SHC4: variants seen among roughly 807,000 people sequenced by gnomAD.
SHC4 encodes SHC adaptor protein 4, also known as SHC-transforming protein 4.
Under a neutral mutation model 69.4 loss-of-function variants are expected in SHC4, and 41 were observed. The ratio of observed to expected loss-of-function variants is 0.59; its 90% CI spans 0.46 to 0.77. The LOEUF is 0.77. Ranked by LOEUF, SHC4 falls within the 30% of genes least tolerant of loss-of-function variation. The pLI, the probability that SHC4 is intolerant of heterozygous loss-of-function variation, is 0.00. For synonymous variants in SHC4, 318 were observed against 299.3 expected (o/e 1.06, Z -0.64); for missense variants, 777 against 783.8 (o/e 0.99, Z 0.10).
chr15:48,929,672 C>G (rs1203390590), intron 1 of SHC4, among the ~76,000 whole-genome samples: 1 of 152,212 alleles, frequency 6.6e-6, no homozygotes, highest in Non-Finnish European at 1.5e-5. Context: ...ACAATGGTAA[C>G]AGCAGATGTG....
chr15:48,910,407 T>C (rs544762584), intron 2 of SHC4, among the ~76,000 whole-genome samples: 9 of 152,262 alleles, frequency 5.9e-5, no homozygotes, highest in Non-Finnish European at 4.4e-5. Flanking sequence ...AGCTGTAATA[T>C]CTCCTGTTTT....
chr15:48,879,438 A>C (rs1252687526), intron 4 of SHC4: 3 of 167,122 alleles, frequency 1.8e-5, no homozygotes, highest in Non-Finnish European at 4.4e-5. Flanking sequence ...AAAAGTCAAA[A>C]ATTAAGACAT....
chr15:48,857,869 A>G (rs138231901), intron 6 of SHC4, 54 bp from the exon 7 acceptor site: 16 of 1,391,294 alleles, frequency 1.2e-5, no homozygotes, highest in Non-Finnish European at 1.2e-5. Flanking sequence ...GAAAGAGAAG[A>G]TTACATAAAA....
rs1899304871 is a variant in SHC4 at position 48,855,994 on chromosome 15, T to C, written c.1201A>G (p.Met401Val). ...TCACACTGTATGGGGCAGTAAGCCA[T>C]TTGTTCCGTGGCTTGAACTTTGATC... ...MRIKVQATEQ[M>V]AYCPIQCEKL... Residue 401 changes from methionine to valine, a missense_variant, in exon 8 of 12, where the codon ATG (methionine) becomes GTG (valine). By Grantham distance (21) the Met-to-Val change is conservative. Transcript: ENST00000332408. 6.2e-7 allele frequency: 1 copy of C among 1,613,880 alleles called. No individual in the cohort carries two copies. Among genetic ancestry groups the C allele is most frequent in the Non-Finnish European group, 8.5e-7 (1 of 1,179,842 alleles).
intron 2 of SHC4, among the ~76,000 whole-genome samples, chr15:48,921,684 T>C (rs530726356): frequency 1.3e-5 from 2 of 152,308 alleles, no homozygotes; most frequent in South Asian, 4.1e-4. Context: ...TTTTTCATCT[T>C]CGGGAAGATG....
At chr15:48,919,400 A>T (rs1900699123) in intron 2 of SHC4, among the ~76,000 whole-genome samples, 1 of 142,334 alleles carries the variant, frequency 7.0e-6, no homozygotes, top group Non-Finnish European at 1.5e-5. Flanking sequence ...TTCCAGGCTC[A>T]GGTGATCCTC....
intron 1 of SHC4, among the ~76,000 whole-genome samples, chr15:48,960,631 TG>T (rs1307410177): frequency 7.2e-5 from 11 of 152,158 alleles, no homozygotes; most frequent in African/African-American, 1.2e-4. Context: ...CCTAATTGTC[TG>T]TTTGTAATAC....
chr15:48,944,634 C>A (rs980448478), intron 1 of SHC4, among the ~76,000 whole-genome samples: 1 of 152,098 alleles, frequency 6.6e-6, no homozygotes, highest in Non-Finnish European at 1.5e-5. Flanking sequence ...AAAAGGGAAA[C>A]CTCTATCTTG....
intron 1 of SHC4, 29 bp from the exon 2 acceptor site, chr15:48,924,978 T>C (rs1470299486): frequency 6.2e-7 from 1 of 1,611,852 alleles, no homozygotes; most frequent in African/African-American, 1.3e-5. Context: ...AAAGAAGAAG[T>C]AGGACAAAAA....
chr15:48,851,167 G>GT (rs1453688856), intron 9 of SHC4, 21 bp downstream of exon 9: 2 of 1,611,802 alleles, frequency 1.2e-6, no homozygotes, highest in African/African-American at 2.7e-5. Flanking sequence ...GGTGGCAGAT[G>GT]GAGAAGGGCA....
intron 3 of SHC4, among the ~76,000 whole-genome samples, chr15:48,885,703 G>T (rs980883145): frequency 2.0e-5 from 3 of 152,168 alleles, no homozygotes; most frequent in Admixed American, 6.5e-5. Context: ...AACACACACT[G>T]TTGAAATTTA....
intron 11 of SHC4, among the ~76,000 whole-genome samples, chr15:48,828,012 C>T (rs1567046634): frequency 6.6e-6 from 1 of 152,012 alleles, no homozygotes; most frequent in East Asian, 1.9e-4. Context: ...CCTGCAGACA[C>T]TTGTGTTTGT....
intron 2 of SHC4, among the ~76,000 whole-genome samples, 173 bp downstream of exon 2, chr15:48,924,706 C>T (rs763121901): frequency 6.6e-6 from 1 of 152,226 alleles, no homozygotes; most frequent in Non-Finnish European, 1.5e-5. Context: ...AGAAATCTTT[C>T]ACACGATGAG....
intron 2 of SHC4, among the ~76,000 whole-genome samples, chr15:48,921,982 T>C (rs1900761377): frequency 6.6e-6 from 1 of 152,188 alleles, no homozygotes; most frequent in African/African-American, 2.4e-5. Flanking sequence ...CCTCTCTAGG[T>C]AAGATTCTGA....
At chr15:48,877,500 T>C (rs1412987519) in intron 4 of SHC4, 2 of 984,226 alleles carry the variant, frequency 2.0e-6, no homozygotes, top group Non-Finnish European at 2.4e-6. Flanking sequence ...ACACACAAAA[T>C]AGTATTTTGC....
chr15:48,839,444 A>G (rs1006220278), intron 10 of SHC4, among the ~76,000 whole-genome samples: 4 of 152,214 alleles, frequency 2.6e-5, no homozygotes, highest in Non-Finnish European at 4.4e-5. Flanking sequence ...GAACAATGGT[A>G]GGAACAACCC....
chr15:48,958,648 T>C (rs1316559368), intron 1 of SHC4, among the ~76,000 whole-genome samples: 1 of 152,208 alleles, frequency 6.6e-6, no homozygotes, highest in African/African-American at 2.4e-5. Context: ...GCGAGGGGGC[T>C]TTCAAGCCAA....
Position 48,962,425 on chromosome 15 carries a change from A to T in SHC4, c.585+6T>A. On this transcript the variant is annotated splice_donor_region_variant and intron_variant, in intron 1 of 11. Transcript: ENST00000332408. ...TCTTAGAGGGCAGAGAGGAAAATGG[A>T]CTTACCCTCACACAGTAGTTCATGC... is the stretch of plus-strand genomic sequence containing the variant. 2.0e-6 allele frequency: 3 copies of T among 1,513,770 alleles called. No individual in the cohort carries two copies. The highest frequency in any genetic ancestry group is 2.7e-6 in the Non-Finnish European group (3 of 1,131,390). The allele number at this position is 1,513,770 out of a possible 1,614,324, so 93.8% of individuals were successfully genotyped here. A position where few individuals can be genotyped will look rare whatever the true frequency, so the allele number is the denominator to read the frequency against.
chr15:48,909,757 A>T (rs1457135140), intron 2 of SHC4, among the ~76,000 whole-genome samples: 2 of 152,148 alleles, frequency 1.3e-5, no homozygotes, highest in African/African-American at 4.8e-5. Flanking sequence ...GAGAGTTTTA[A>T]TGATAAAGCG....
Sources: gnomAD v4.1 joint callset for allele counts (sites outside exome capture counted in the v4.1 genomes callset) on GRCh38, gnomAD v4.1.1 for gene constraint, MANE v1.5 for transcripts, NCBI Gene and HGNC (gene_info 2026-07-23, HGNC 2026-07-21) for gene names.